DOCK8: variants seen among roughly 807,000 people sequenced by gnomAD.
DOCK8 encodes the protein dedicator of cytokinesis 8.
A neutral mutation model predicts 245.6 loss-of-function variants in DOCK8; 141 were observed. The ratio of observed to expected loss-of-function variants is 0.57; its 90% CI spans 0.50 to 0.66. The LOEUF (loss-of-function observed/expected upper bound fraction) is 0.66, where lower values mean the gene tolerates loss of function less well. Among genes scored for constraint, DOCK8 ranks in the 30% least tolerant of loss-of-function variants. The pLI, the probability that DOCK8 is intolerant of heterozygous loss-of-function variation, is 0.00. For synonymous variants in DOCK8, 1,168 were observed against 970.2 expected (o/e 1.20, Z -3.79); for missense variants, 2,965 against 2,603.4 (o/e 1.14, Z -3.02).
chr9:349,103 A>G (rs2052037496), intron 14 of DOCK8, among the ~76,000 whole-genome samples: 1 of 152,208 alleles, frequency 6.6e-6, no homozygotes. Flanking sequence ...GGGTTTCCCA[A>G]GGGAAGAAAC....
chr9:387,907 A>G (rs1247481273), intron 23 of DOCK8, among the ~76,000 whole-genome samples: 1 of 152,194 alleles, frequency 6.6e-6, no homozygotes, highest in Non-Finnish European at 1.5e-5. Flanking sequence ...TGAAATGACC[A>G]GAATAGAGAC....
In DOCK8 at chr9:368,021, C is replaced by A. The variant is rs372278912; in HGVS notation, c.1683C>A (p.Asn561Lys). 460 of 1,611,876 alleles carry A rather than the reference C, an allele frequency of 2.9e-4. No individual in the cohort carries two copies. The highest frequency in any genetic ancestry group is 3.8e-4 in the Non-Finnish European group (450 of 1,178,094). Residue 561 changes from asparagine to lysine, a missense_variant, in exon 15 of 48, where the codon AAC (asparagine) becomes AAA (lysine). Asn to Lys is a moderately conservative substitution (Grantham distance 94). Transcript: ENST00000432829. ...EVYVPHTVYR[N>K]LLYVYPQRLN... ...TTCTTTATCTCTTCTTTTCCAGAAA[C>A]CTTCTCTATGTCTACCCACAGAGGC...
chr9:400,964 ACCTCCT>A (rs1191658303), intron 26 of DOCK8, among the ~76,000 whole-genome samples: 4 of 111,600 alleles, frequency 3.6e-5, no homozygotes, highest in South Asian at 3.1e-4. Context: ...CACCACCACC[ACCTCCT>A]CCACCATCAC....
intron 33 of DOCK8, among the ~76,000 whole-genome samples, 168 bp downstream of exon 33, chr9:422,303 G>A (rs1244661254): frequency 1.3e-5 from 2 of 152,156 alleles, no homozygotes; most frequent in African/African-American, 2.4e-5. Flanking sequence ...CAAAGGTATA[G>A]GGAGTTGTGG....
chr9:286,585 T>A lies in DOCK8; in HGVS notation c.281T>A (p.Val94Glu). ...GDFTDDDLDV[V>E]FTPKECRTLQ... ...TTCACTGATGACGACTTGGACGTGGTGTTCACGCCAAAGGAATGTAGGACT... is the reference window on the plus strand; with the variant it reads ...TTCACTGATGACGACTTGGACGTGGAGTTCACGCCAAAGGAATGTAGGACT... The change falls in exon 3 of 48, where the codon GTG becomes GAG. Residue 94 changes from valine to glutamate, a missense_variant. Around this residue, in one of 3 missense-constraint regions of DOCK8, gnomAD observed 2,825 missense variants for 2,453.5 expected, o/e 1.15. Coordinates refer to ENST00000432829, the MANE Select transcript of DOCK8 (RefSeq NM_203447.4). 1 of 1,613,948 alleles carries A rather than the reference T, an allele frequency of 6.2e-7. No individual in the cohort carries two copies. Among genetic ancestry groups the A allele is most frequent in the Non-Finnish European group, 8.5e-7 (1 of 1,179,916 alleles).
At chr9:244,816 A>C (rs1248692865) in intron 1 of DOCK8, among the ~76,000 whole-genome samples, 2 of 151,930 alleles carry the variant, frequency 1.3e-5, no homozygotes, top group Non-Finnish European at 2.9e-5. Flanking sequence ...TGAAGGCCCT[A>C]TTGGTGTTTT....
intron 16 of DOCK8, among the ~76,000 whole-genome samples, chr9:370,711 G>A (rs1276801184): frequency 6.6e-6 from 1 of 152,168 alleles, no homozygotes; most frequent in Non-Finnish European, 1.5e-5. Context: ...CTGACCAAAG[G>A]AGAAATGGAA....
intron 26 of DOCK8, among the ~76,000 whole-genome samples, chr9:404,198 T>C (rs944285284): frequency 2.6e-5 from 4 of 151,682 alleles, no homozygotes; most frequent in African/African-American, 7.3e-5. Flanking sequence ...GTCTGGGTCT[T>C]TCAGTTGTTC....
At chr9:385,670 A>AC (rs945425484) in intron 22 of DOCK8, among the ~76,000 whole-genome samples, 1 of 151,958 alleles carries the variant, frequency 6.6e-6, no homozygotes, top group African/African-American at 2.4e-5. Context: ...AATTACCCCT[A>AC]CCCCCCTGAC....
At chr9:215,710 C>T (rs2046734711) in intron 1 of DOCK8, 1 of 306,742 alleles carries the variant, frequency 3.3e-6, no homozygotes, top group Non-Finnish European at 6.3e-6. Context: ...ACTGGGGGAT[C>T]CCAACTCACC....
rs1225157680 is a variant in DOCK8, at chr9:403,942, A to ATG, written c.3235-972_3235-971dup. On this transcript the variant is annotated intron_variant, in intron 26 of 47. Transcript: ENST00000432829. ...CATATATATATATGTGTATATATAT[A>ATG]TGTGTATATATATATATGTATATAT... is the stretch of plus-strand genomic sequence containing the variant. Among the ~76,000 whole-genome samples the ATG allele has an allele frequency of 2.6e-4, 21 of 81,840 alleles. 1 individual carries two copies. The East Asian group carries it at 6.0e-3, about 23-fold the overall frequency. The allele number at this position is 81,840 out of a possible 152,430, so 53.7% of individuals were successfully genotyped here.
chr9:446,495 G>A lies in DOCK8; in HGVS notation c.5706G>A (p.Glu1902=), dbSNP rs372620447. The A allele has an allele frequency of 6.2e-7, 1 of 1,614,082 alleles. No individual in the cohort carries two copies. Among genetic ancestry groups the A allele is most frequent in the Non-Finnish European group, 8.5e-7 (1 of 1,180,040 alleles). The change falls in exon 44 of 48, where the codon GAG becomes GAA. Residue 1902 remains glutamate, a synonymous_variant. Coordinates refer to ENST00000432829, the MANE Select transcript of DOCK8 (RefSeq NM_203447.4). The part of the protein sequence containing the change: ...RFMYTTPFTL[E]GRPRGELHEQ... ...TGTACACCACCCCGTTCACCCTGGA[G>A]GGGCGGCCTCGGGGAGAGCTGCATG... is the stretch of plus-strand genomic sequence containing the variant.
chr9:307,079 G>A (rs1475452990), intron 5 of DOCK8, among the ~76,000 whole-genome samples: 1 of 152,136 alleles, frequency 6.6e-6, no homozygotes, highest in East Asian at 1.9e-4. Flanking sequence ...GAGAGGAATA[G>A]CAAGAGGAAG....
chr9:428,350 C>T lies in DOCK8; in HGVS notation c.4339-12C>T, dbSNP rs375424895. On this transcript the variant is annotated splice_polypyrimidine_tract_variant and intron_variant, in intron 34 of 47. Transcript: ENST00000432829. ...GCAGGGATTCAATGATGCTGTTCTT[C>T]CATTCCCCCAGGCGAGCTCGGCTCT... 1 of 1,614,054 alleles carries T rather than the reference C, an allele frequency of 6.2e-7. No homozygotes were observed. Among genetic ancestry groups the T allele is most frequent in the South Asian group, 1.1e-5 (1 of 91,054 alleles).
intron 14 of DOCK8, among the ~76,000 whole-genome samples, chr9:341,539 C>T (rs140558464): frequency 6.6e-6 from 1 of 152,334 alleles, no homozygotes; most frequent in East Asian, 1.9e-4. Context: ...TATCCCCAGT[C>T]TCCAGTCACA....
rs1308335854 is a variant in DOCK8 at position 214,928 on chromosome 9, C to T, written c.-49C>T. The T allele has an allele frequency of 6.2e-7, 1 of 1,604,968 alleles. No homozygotes were observed. The highest frequency in any genetic ancestry group is 1.1e-5 in the South Asian group (1 of 89,964). On this transcript the variant is annotated 5_prime_UTR_variant, in exon 1 of 48. Coordinates refer to ENST00000432829, the MANE Select transcript of DOCK8 (RefSeq NM_203447.4). ...GCTACTCTGCGGCGCGCCAGGCCCC[C>T]GCTTTCCGCACCCCGCGACCCTAGA...
chr9:249,293 G>A (rs1439657241), intron 1 of DOCK8, among the ~76,000 whole-genome samples: 1 of 152,136 alleles, frequency 6.6e-6, no homozygotes, highest in African/African-American at 2.4e-5. Context: ...TAAACTCTGC[G>A]AAGTGGAGTG....
At chr9:400,076 T>G (rs1021701805) in intron 26 of DOCK8, among the ~76,000 whole-genome samples, 2 of 21,580 alleles carry the variant, frequency 9.3e-5, no homozygotes, top group Admixed American at 4.7e-4. Context: ...ACCATCACCA[T>G]CACCACCACC....
At chr9:227,954 T>G (rs557406220) in intron 1 of DOCK8, among the ~76,000 whole-genome samples, 2 of 152,174 alleles carry the variant, frequency 1.3e-5, no homozygotes, top group Admixed American at 1.3e-4. Flanking sequence ...CATGCCAAAT[T>G]ATGAGGGCAA....
Sources: allele counts gnomAD v4.1 joint callset (sites outside exome capture counted in the v4.1 genomes callset), GRCh38; gene constraint gnomAD v4.1.1; regional missense constraint gnomAD v4.1.1; transcripts MANE v1.5; gene names NCBI Gene and HGNC (gene_info 2026-07-23, HGNC 2026-07-21).